The following CAMK2A variants were observed in gnomAD, a reference collection of about 807,000 sequenced individuals.
CAMK2A encodes the protein calcium/calmodulin dependent protein kinase II alpha.
A neutral mutation model predicts 79.2 loss-of-function variants in CAMK2A; 7 were observed. That is an observed-to-expected ratio of 0.09 (90% CI 0.05 to 0.17). The LOEUF (loss-of-function observed/expected upper bound fraction) is 0.17, where lower values mean the gene tolerates loss of function less well. Ranked by LOEUF, CAMK2A falls within the 10% of genes least tolerant of loss-of-function variation. The pLI is 1.00. For missense variants in CAMK2A, 214 were observed against 646.4 expected (o/e 0.33, Z 7.25); for synonymous variants, 242 against 251.7 (o/e 0.96, Z 0.36).
chr5:150,274,810 T>C (rs1282307574), intron 1 of CAMK2A, among the ~76,000 whole-genome samples: 1 of 152,242 alleles, frequency 6.6e-6, no homozygotes, highest in Non-Finnish European at 1.5e-5. Flanking sequence ...CCACACCAAG[T>C]AAGTCTTCCA....
At chr5:150,263,570 C>A (rs1400700124) in intron 3 of CAMK2A, among the ~76,000 whole-genome samples, 1 of 151,860 alleles carries the variant, frequency 6.6e-6, no homozygotes. Context: ...GTCACATACA[C>A]ACACACATAC....
At chr5:150,281,482 A>G (rs1290439755) in intron 1 of CAMK2A, among the ~76,000 whole-genome samples, 1 of 152,254 alleles carries the variant, frequency 6.6e-6, no homozygotes, top group Non-Finnish European at 1.5e-5. Context: ...TGGCTGCATC[A>G]GAACCTTGTA....
chr5:150,256,992 C>T lies in CAMK2A; in HGVS notation c.273-161G>A, dbSNP rs1450275746. On this transcript the variant is annotated intron_variant, in intron 4 of 18. Transcript: ENST00000671881. This position sits in a 1 kb window ranked among gnomAD's most constrained non-coding sequence, Gnocchi z 4.6. Reference sequence around the variant, plus strand: ...CGGGGGTGTCCCCTGCTGCAATGCCCTTCCTGTCTTCCAGAGCACCCTTCC... The same window carrying T: ...CGGGGGTGTCCCCTGCTGCAATGCCTTTCCTGTCTTCCAGAGCACCCTTCC... Among the ~76,000 whole-genome samples the T allele has an allele frequency of 6.6e-6, 1 of 152,168 alleles. No homozygotes were observed. Among genetic ancestry groups the T allele is most frequent in the African/African-American group, 2.4e-5 (1 of 41,426 alleles).
Position 150,273,290 on chromosome 5 carries a change from G to T in CAMK2A, c.63-131C>A, listed in dbSNP as rs999197587. On this transcript the variant is annotated intron_variant, in intron 1 of 18. Transcript: ENST00000671881. Reference sequence around the variant, plus strand: ...ATCAGAGCTGCTCAAGCTCACAGGGGCTTCTGTGACCCAACTCAGGGACAC... The same window carrying T: ...ATCAGAGCTGCTCAAGCTCACAGGGTCTTCTGTGACCCAACTCAGGGACAC... 1.0e-5 allele frequency: 7 copies of T among 667,242 alleles called. No homozygotes were observed. The African/African-American group carries it at 1.3e-4, about 12-fold the overall frequency. The allele number at this position is 667,242 out of a possible 1,614,324, so 41.3% of individuals were successfully genotyped here.
intron 16 of CAMK2A, 65 bp downstream of exon 16, chr5:150,231,240 T>C: frequency 1.2e-6 from 1 of 858,702 alleles, no homozygotes; most frequent in Non-Finnish European, 1.9e-6. Flanking sequence ...CCCCCAAAGT[T>C]AGCCATTGGT....
chr5:150,272,143 T>A (rs1307778493), intron 2 of CAMK2A, among the ~76,000 whole-genome samples: 2 of 151,990 alleles, frequency 1.3e-5, no homozygotes, highest in East Asian at 3.9e-4. Context: ...AGGTGCTGGG[T>A]GCAGAGTAGC....
At chr5:150,248,208 C>T (rs910778521) in intron 11 of CAMK2A, among the ~76,000 whole-genome samples, 1 of 152,114 alleles carries the variant, frequency 6.6e-6, no homozygotes, top group Non-Finnish European at 1.5e-5. Context: ...CACCTCTTAG[C>T]CCTCTGCCCC....
At chr5:150,238,621 G>A (rs1401511798) in intron 15 of CAMK2A, 79 bp downstream of exon 15, 10 of 1,349,780 alleles carry the variant, frequency 7.4e-6, no homozygotes, top group African/African-American at 1.4e-5. Flanking sequence ...TGGCACGTGG[G>A]AGCTGTCAGG....
Position 150,245,268 on chromosome 5 carries a change from C to G in CAMK2A, c.944-67G>C, listed in dbSNP as rs954824204. On this transcript the variant is annotated intron_variant, in intron 12 of 18. Transcript: ENST00000671881. ...GGCACCAGGGCCCACAGGGCGAGGA[C>G]GAGCAGCATCCACACGCAGCCGGAG... 6.6e-6 allele frequency: 10 copies of G among 1,507,706 alleles called. No individual in the cohort carries two copies. The Admixed American group carries it at 1.5e-4, about 23-fold the overall frequency. 93.4% of individuals were successfully genotyped at this position (1,507,706 alleles called of 1,614,324 possible).
rs768958439 is a variant in CAMK2A, at chr5:150,223,221, G to C, written c.1238-4C>G. 23 of 1,612,204 alleles carry C rather than the reference G, an allele frequency of 1.4e-5. No homozygotes were observed. Among genetic ancestry groups the C allele is most frequent in the Non-Finnish European group, 1.8e-5 (21 of 1,179,374 alleles). ...GGCTTGCTGTTCCGGGACCACACTG[G>C]AGGAGGGGATGGGAGGGGCAGAGGA... is the stretch of plus-strand genomic sequence containing the variant. On this transcript the variant is annotated splice_region_variant and splice_polypyrimidine_tract_variant and intron_variant, in intron 17 of 18. Coordinates refer to ENST00000671881, the MANE Select transcript of CAMK2A (RefSeq NM_015981.4). This position sits in a 1 kb window ranked among gnomAD's most constrained non-coding sequence, Gnocchi z 4.1.
intron 3 of CAMK2A, among the ~76,000 whole-genome samples, chr5:150,263,293 G>A (rs1445283847): frequency 6.6e-6 from 1 of 152,072 alleles, no homozygotes; most frequent in African/African-American, 2.4e-5. Context: ...TGAACATGAG[G>A]AGGCAGTGTT....
In CAMK2A at chr5:150,252,073, CA is replaced by C; in HGVS notation, c.515-9del. 1 of 1,604,952 alleles carries C rather than the reference CA, an allele frequency of 6.2e-7. No individual in the cohort carries two copies. Among genetic ancestry groups the C allele is most frequent in the Non-Finnish European group, 8.5e-7 (1 of 1,172,150 alleles). On this transcript the variant is annotated splice_polypyrimidine_tract_variant and intron_variant, in intron 7 of 18. Coordinates refer to ENST00000671881, the MANE Select transcript of CAMK2A (RefSeq NM_015981.4). ...CAGGAGTCCCTGCAAACCCTGCTCCCAGACACACAGACAGGCAGACACATAC... is the reference window on the plus strand; with the variant it reads ...CAGGAGTCCCTGCAAACCCTGCTCCCGACACACAGACAGGCAGACACATAC...
At position 150,253,608 on chromosome 5, in the gene CAMK2A, T is replaced by C. The variant is rs562446034; in HGVS notation, c.412-62A>G. 7 of 1,390,434 alleles carry C rather than the reference T, an allele frequency of 5.0e-6. No homozygotes were observed. In the South Asian group the frequency reaches 5.8e-5, roughly 12 times the overall value. The allele number at this position is 1,390,434 out of a possible 1,614,324, so 86.1% of individuals were successfully genotyped here. On this transcript the variant is annotated intron_variant, in intron 6 of 18. Transcript: ENST00000671881. ...AAGCGCCAAGAGACAGTCAGCAGAT[T>C]CAGAGCCTCACCTCTAGGGGCCTGG...
chr5:150,245,039 G>C, intron 13 of CAMK2A, 122 bp downstream of exon 13: 1 of 930,082 alleles, frequency 1.1e-6, no homozygotes, highest in Non-Finnish European at 1.7e-6. Context: ...CCACAAATGT[G>C]GCCCACGTCT....
At chr5:150,277,042 C>A (rs1364062439) in intron 1 of CAMK2A, among the ~76,000 whole-genome samples, 1 of 152,156 alleles carries the variant, frequency 6.6e-6, no homozygotes, top group African/African-American at 2.4e-5. Flanking sequence ...CCAGCCTGGG[C>A]AACATGGCGA....
At chr5:150,250,945 G>A in intron 9 of CAMK2A, 135 bp from the exon 10 acceptor site, 1 of 997,152 alleles carries the variant, frequency 1.0e-6, no homozygotes, top group South Asian at 1.6e-5. Flanking sequence ...AGGAGGAGTT[G>A]GGGCTCCTCA....
In CAMK2A at chr5:150,219,885, A is replaced by ATTATTG. The variant is rs1197930825; in HGVS notation, c.*2824_*2825insCAATAA. The stretch of plus-strand genomic sequence containing the variant: ...TATTTATTTATTTATTATTATTATT[A>ATTATTG]TTATTATTTTGCATCTAAAGGATGT... On this transcript the variant is annotated 3_prime_UTR_variant, in exon 19 of 19. Coordinates refer to ENST00000671881, the MANE Select transcript of CAMK2A (RefSeq NM_015981.4). The ATTATTG allele has an allele frequency of 7.0e-5, 10 of 142,214 alleles. No individual in the cohort carries two copies. In the Admixed American group the frequency reaches 7.2e-4, roughly 10 times the overall value. The allele number at this position is 142,214 out of a possible 1,614,324, so 8.8% of individuals were successfully genotyped here. A position where few individuals can be genotyped will look rare whatever the true frequency, so the allele number is the denominator to read the frequency against.
At chr5:150,273,284 A>C in intron 1 of CAMK2A, 125 bp from the exon 2 acceptor site, 1 of 695,176 alleles carries the variant, frequency 1.4e-6, no homozygotes, top group Non-Finnish European at 2.5e-6. Flanking sequence ...GCTCAAGCTC[A>C]CAGGGGCTTC....
chr5:150,222,204 C>G lies in CAMK2A; in HGVS notation c.*506G>C, dbSNP rs576005520. 1 of 426,152 alleles carries G rather than the reference C, an allele frequency of 2.3e-6. No homozygotes were observed. Among genetic ancestry groups the G allele is most frequent in the African/African-American group, 2.0e-5 (1 of 50,094 alleles). 26.4% of individuals were successfully genotyped at this position (426,152 alleles called of 1,614,324 possible). On this transcript the variant is annotated 3_prime_UTR_variant, in exon 19 of 19. Transcript: ENST00000671881. Reference sequence around the variant, plus strand: ...GCACTTTGAGGCAGGAGGCTCCTGGCGTATGCTCTTCTCCCCACTCCTTCA... The same window carrying G: ...GCACTTTGAGGCAGGAGGCTCCTGGGGTATGCTCTTCTCCCCACTCCTTCA...
Sources: gnomAD v4.1 joint callset for allele counts (sites outside exome capture counted in the v4.1 genomes callset) on GRCh38, gnomAD v4.1.1 for gene constraint, Gnocchi (gnomAD v3.1) non-coding constraint, MANE v1.5 for transcripts, NCBI Gene and HGNC (gene_info 2026-07-23, HGNC 2026-07-21) for gene names.